The following TGFA variants were observed in gnomAD, a reference collection of about 807,000 sequenced individuals.
TGFA encodes the protein transforming growth factor alpha, also known as protransforming growth factor alpha.
Under a neutral mutation model 21.7 loss-of-function variants are expected in TGFA, and 12 were observed. That is an observed-to-expected ratio of 0.55 (90% CI 0.35 to 0.90). The LOEUF is 0.90. TGFA is among the 40% of genes least tolerant of loss of function. The probability of loss-of-function intolerance (pLI) is 0.01; values close to 1 mark genes in which losing one functional copy is unlikely to be tolerated. For synonymous variants in TGFA, 79 were observed against 88.1 expected (o/e 0.90, Z 0.58); for missense variants, 178 against 210.8 (o/e 0.84, Z 0.96).
intron 1 of TGFA, among the ~76,000 whole-genome samples, chr2:70,527,032 A>T (rs1672658499): frequency 6.6e-6 from 1 of 152,274 alleles, no homozygotes; most frequent in Non-Finnish European, 1.5e-5. Flanking sequence ...ACACTTTAGA[A>T]GACAGTTTTT....
chr2:70,532,311 T>G (rs1395548338), intron 1 of TGFA, among the ~76,000 whole-genome samples: 1 of 152,218 alleles, frequency 6.6e-6, no homozygotes, highest in Non-Finnish European at 1.5e-5. Context: ...AATTATCTTA[T>G]TGGGAACCTA....
intron 1 of TGFA, among the ~76,000 whole-genome samples, chr2:70,540,492 G>A (rs951889161): frequency 2.6e-5 from 4 of 152,062 alleles, no homozygotes; most frequent in African/African-American, 4.8e-5. Context: ...TGACAAAAAG[G>A]CAAGTTAGAT....
At chr2:70,484,188 A>T (rs1216693256) in intron 2 of TGFA, among the ~76,000 whole-genome samples, 1 of 152,232 alleles carries the variant, frequency 6.6e-6, no homozygotes, top group Non-Finnish European at 1.5e-5. Context: ...TCACAGAAGC[A>T]GGTGTCCCTG....
At chr2:70,517,339 A>G (rs1405600077) in intron 1 of TGFA, among the ~76,000 whole-genome samples, 2 of 152,188 alleles carry the variant, frequency 1.3e-5, no homozygotes, top group African/African-American at 4.8e-5. Flanking sequence ...GCATCAGCTG[A>G]GGCCCTGTGA....
intron 2 of TGFA, 135 bp downstream of exon 2, chr2:70,514,724 G>C (rs1335817755): frequency 3.2e-6 from 3 of 930,098 alleles, no homozygotes; most frequent in African/African-American, 1.6e-5. Context: ...CCCTGAGGAG[G>C]GGGCAGAGAG....
chr2:70,484,105 C>T (rs1671204822), intron 2 of TGFA, among the ~76,000 whole-genome samples: 1 of 152,172 alleles, frequency 6.6e-6, no homozygotes, highest in African/African-American at 2.4e-5. Flanking sequence ...TGAACTCTAC[C>T]TAGTGTTTCC....
At chr2:70,490,718 CT>C (rs1326155395) in intron 2 of TGFA, among the ~76,000 whole-genome samples, 1 of 152,196 alleles carries the variant, frequency 6.6e-6, no homozygotes, top group Non-Finnish European at 1.5e-5. Flanking sequence ...CCTTATTTTG[CT>C]TTCAACTCAT....
intron 1 of TGFA, among the ~76,000 whole-genome samples, chr2:70,520,262 A>G (rs1672406598): frequency 6.6e-6 from 1 of 152,154 alleles, no homozygotes; most frequent in African/African-American, 2.4e-5. Context: ...GCTGCAGGCT[A>G]CTGATGTTCC....
chr2:70,484,500 C>G (rs1047505347), intron 2 of TGFA, among the ~76,000 whole-genome samples: 1 of 152,178 alleles, frequency 6.6e-6, no homozygotes, highest in African/African-American at 2.4e-5. Context: ...GGCTGCCTGG[C>G]AAACATTTCT....
intron 2 of TGFA, among the ~76,000 whole-genome samples, chr2:70,466,781 C>T (rs1369713361): frequency 6.6e-6 from 1 of 152,106 alleles, no homozygotes; most frequent in Non-Finnish European, 1.5e-5. Context: ...TGGAACCAAC[C>T]CAAATGCCCA....
rs117678205 is a variant in TGFA, at chr2:70,549,545, G to A, written c.40+4183C>T. 3.3e-5 allele frequency among the ~76,000 whole-genome samples: 5 copies of A among 152,254 alleles called. No homozygotes were observed. The East Asian group carries it at 9.7e-4, about 29-fold the overall frequency. On this transcript the variant is annotated intron_variant, in intron 1 of 5. Coordinates refer to ENST00000295400, the MANE Select transcript of TGFA (RefSeq NM_003236.4). ...GCCCTCCAGATCATTCCAATGTAAG[G>A]CCTGCTGTAGAGGATACTACAGAGG...
At chr2:70,451,705 A>G (rs1670064442) in intron 5 of TGFA, 1 of 686,602 alleles carries the variant, frequency 1.5e-6, no homozygotes, top group Non-Finnish European at 2.6e-6. Context: ...TATTGGTGCT[A>G]AAAGAAAAAA....
At chr2:70,504,469 C>CATATATATATATATATATATATATATAT (rs1230209696) in intron 2 of TGFA, among the ~76,000 whole-genome samples, 4 of 80,652 alleles carry the variant, frequency 5.0e-5, no homozygotes, top group East Asian at 7.7e-4. Flanking sequence ...TATATACACA[C>CATATATATATATATATATATATATATAT]ATACATACAT....
intron 2 of TGFA, 23 bp from the exon 3 acceptor site, chr2:70,465,759 G>C (rs999023710): frequency 1.9e-6 from 3 of 1,612,726 alleles, no homozygotes; most frequent in African/African-American, 2.7e-5. Flanking sequence ...AAGATGCAGG[G>C]CTCAGATCCA....
chr2:70,451,463 C>G (rs1670056139), intron 5 of TGFA, among the ~76,000 whole-genome samples: 1 of 152,144 alleles, frequency 6.6e-6, no homozygotes, highest in African/African-American at 2.4e-5. Flanking sequence ...GCAGGCCTGA[C>G]AGGTGCTATA....
At position 70,451,873 on chromosome 2, in the gene TGFA, C is replaced by T. The variant is rs11466271; in HGVS notation, c.476-1007G>A. The T allele has an allele frequency of 2.8e-3, 1,828 of 641,738 alleles. 24 individuals carry two copies. The African/African-American group carries it at 0.029, about 10-fold the overall frequency. 39.8% of individuals were successfully genotyped at this position (641,738 alleles called of 1,614,324 possible). On this transcript the variant is annotated intron_variant, in intron 5 of 5. Transcript: ENST00000295400. ...GTCATCAGACTCAGTTTACCCACAT[C>T]GCTCATGAGCCATCCTCTTCCTAAG...
intron 2 of TGFA, 92 bp downstream of exon 2, chr2:70,514,767 G>A (rs530783513): frequency 2.2e-6 from 3 of 1,359,522 alleles, no homozygotes; most frequent in Admixed American, 1.9e-5. Context: ...CGGTGGGCAG[G>A]AGGCCAGGGA....
chr2:70,547,844 G>GAT lies in TGFA; in HGVS notation c.40+5882_40+5883dup, dbSNP rs199515296. Reference sequence around the variant, plus strand: ...TATACTATCTATAGATATATATAGAGATATATATATCTATATATAGAGAGA... The same window carrying GAT: ...TATACTATCTATAGATATATATAGAGATATATATATATCTATATATAGAGAGA... On this transcript the variant is annotated intron_variant, in intron 1 of 5. Coordinates refer to ENST00000295400, the MANE Select transcript of TGFA (RefSeq NM_003236.4). Among the ~76,000 whole-genome samples the GAT allele has an allele frequency of 0.016, 2,402 of 146,856 alleles. 83 individuals are homozygous for GAT. In the East Asian group the frequency reaches 0.17, roughly 10 times the overall value.
intron 2 of TGFA, among the ~76,000 whole-genome samples, chr2:70,507,226 G>A (rs977425132): frequency 1.3e-5 from 2 of 152,244 alleles, no homozygotes; most frequent in African/African-American, 2.4e-5. Context: ...CCTGCACTCA[G>A]TGCACACTGG....
Sources: gnomAD v4.1 joint callset for allele counts (sites outside exome capture counted in the v4.1 genomes callset) on GRCh38, gnomAD v4.1.1 for gene constraint, MANE v1.5 for transcripts, NCBI Gene and HGNC (gene_info 2026-07-23, HGNC 2026-07-21) for gene names.